Variants in LRRC8B observed in about 807,000 individuals in gnomAD.
LRRC8B encodes the protein volume-regulated anion channel subunit LRRC8B.
Under a neutral mutation model 58.8 loss-of-function variants are expected in LRRC8B, and 23 were observed. That is an observed-to-expected ratio of 0.39 (90% CI 0.28 to 0.55). The LOEUF is 0.55. Among genes scored for constraint, LRRC8B ranks in the 20% least tolerant of loss-of-function variants. LRRC8B has a pLI of 0.62. For synonymous variants in LRRC8B, 359 were observed against 374.1 expected (o/e 0.96, Z 0.47); for missense variants, 694 against 936.0 (o/e 0.74, Z 3.37).
At chr1:89,579,472 G>C (rs144829587) in intron 3 of LRRC8B, 119 bp from the exon 4 acceptor site, 3 of 152,734 alleles carry the variant, frequency 2.0e-5, no homozygotes, top group Middle Eastern at 3.4e-3. Flanking sequence ...GAGGCCCAGA[G>C]TGTGAAAATC....
chr1:89,576,338 G>T (rs1328131421), intron 3 of LRRC8B, among the ~76,000 whole-genome samples: 1 of 152,156 alleles, frequency 6.6e-6, no homozygotes, highest in African/African-American at 2.4e-5. Context: ...ACTTTTCTCA[G>T]ACAGTTTATT....
Position 89,583,270 on chromosome 1 carries a change from C to T in LRRC8B, c.620C>T (p.Pro207Leu). ...ATAGATTCCGGCAAACAGTCATTGC[C>T]CTACCCACAGCCAGGTTTGGAGTCA... ...ADIDSGKQSL[P>L]YPQPGLESAG... The change falls in exon 5 of 6, where the codon CCC (proline) becomes CTC (leucine). Residue 207 changes from proline (P) to leucine (L), a missense_variant. Physicochemically the swap from Pro to Leu is moderately conservative, Grantham distance 98 (BLOSUM62 -3). Coordinates refer to ENST00000330947, the MANE Select transcript of LRRC8B (RefSeq NM_001369817.2). The surrounding 1 kb of genome is among the most constrained non-coding windows in gnomAD (Gnocchi z 5.2). 1 of 1,614,194 alleles carries T rather than the reference C, an allele frequency of 6.2e-7. No individual in the cohort carries two copies.
chr1:89,594,695 G>A lies in LRRC8B; in HGVS notation c.*1652G>A, dbSNP rs1655197470. On this transcript the variant is annotated 3_prime_UTR_variant, in exon 6 of 6. Transcript: ENST00000330947. Reference sequence around the variant, plus strand: ...AATACATTTTGCTCCTTTTTATAAAGAGCTTTGTGCTTGGCCTTTTATTAT... The same window carrying A: ...AATACATTTTGCTCCTTTTTATAAAAAGCTTTGTGCTTGGCCTTTTATTAT... 6.6e-6 allele frequency: 1 copy of A among 152,036 alleles called. No homozygotes were observed. The highest frequency in any genetic ancestry group is 1.5e-5 in the Non-Finnish European group (1 of 67,992). The allele number at this position is 152,036 out of a possible 1,614,324, so 9.4% of individuals were successfully genotyped here.
chr1:89,589,879 A>G (rs1654872088), intron 5 of LRRC8B, among the ~76,000 whole-genome samples: 1 of 151,788 alleles, frequency 6.6e-6, no homozygotes, highest in Non-Finnish European at 1.5e-5. Flanking sequence ...ATAGATGTAA[A>G]AGAAAACCAT....
intron 1 of LRRC8B, among the ~76,000 whole-genome samples, chr1:89,567,280 A>C (rs1235584246): frequency 6.6e-6 from 1 of 152,200 alleles, no homozygotes. Flanking sequence ...AAGTTTAGTT[A>C]CAGTTTCTAA....
intron 1 of LRRC8B, among the ~76,000 whole-genome samples, chr1:89,560,385 A>G (rs1234781255): frequency 7.9e-6 from 1 of 125,844 alleles, no homozygotes; most frequent in Non-Finnish European, 1.8e-5. Flanking sequence ...CTCATTTGGT[A>G]TATCTTTTTT....
At chr1:89,528,928 A>C (rs1649900874) in intron 1 of LRRC8B, among the ~76,000 whole-genome samples, 1 of 152,226 alleles carries the variant, frequency 6.6e-6, no homozygotes, top group Admixed American at 6.5e-5. Flanking sequence ...GAACTTAGTA[A>C]CATGACCTCA....
Position 89,596,899 on chromosome 1 carries a change from C to T in LRRC8B, c.*3856C>T, listed in dbSNP as rs1364587497. The stretch of plus-strand genomic sequence containing the variant: ...GCAGGACAATGTAACTGTAGATCTG[C>T]TTTGTTTTCAGTAACTGTACATTGC... On this transcript the variant is annotated 3_prime_UTR_variant, in exon 6 of 6. Transcript: ENST00000330947. The T allele has an allele frequency of 6.6e-6, 1 of 152,076 alleles. No homozygotes were observed. The highest frequency in any genetic ancestry group is 1.5e-5 in the Non-Finnish European group (1 of 67,996). 9.4% of individuals were successfully genotyped at this position (152,076 alleles called of 1,614,324 possible). A position where few individuals can be genotyped will look rare whatever the true frequency, so the allele number is the denominator to read the frequency against.
At chr1:89,574,287 C>A (rs1026218315) in intron 3 of LRRC8B, among the ~76,000 whole-genome samples, 4 of 152,188 alleles carry the variant, frequency 2.6e-5, no homozygotes, top group Non-Finnish European at 5.9e-5. Flanking sequence ...TTTGATGTGA[C>A]TTGTTACACA....
intron 1 of LRRC8B, among the ~76,000 whole-genome samples, chr1:89,565,191 G>A (rs1652960806): frequency 1.3e-5 from 2 of 152,194 alleles, no homozygotes; most frequent in South Asian, 2.1e-4. Context: ...ATGGTTTGAT[G>A]TGCAGCATGC....
intron 5 of LRRC8B, among the ~76,000 whole-genome samples, chr1:89,592,245 A>G (rs1655021691): frequency 6.6e-6 from 1 of 152,176 alleles, no homozygotes; most frequent in Non-Finnish European, 1.5e-5. Flanking sequence ...ATGTGCATGT[A>G]TATATAATCA....
intron 1 of LRRC8B, among the ~76,000 whole-genome samples, chr1:89,546,669 G>T (rs745493188): frequency 1.3e-5 from 2 of 152,146 alleles, no homozygotes; most frequent in Non-Finnish European, 2.9e-5. Flanking sequence ...TGATATGAAG[G>T]TACATAATCA....
chr1:89,560,627 A>G (rs1406630333), intron 1 of LRRC8B, among the ~76,000 whole-genome samples: 1 of 149,448 alleles, frequency 6.7e-6, no homozygotes, highest in Non-Finnish European at 1.5e-5. Context: ...ATGAGTGAGA[A>G]TATGTGGTGT....
intron 1 of LRRC8B, among the ~76,000 whole-genome samples, chr1:89,526,745 A>G (rs976407491): frequency 6.6e-6 from 1 of 152,214 alleles, no homozygotes; most frequent in African/African-American, 2.4e-5. Flanking sequence ...TATACTTAGT[A>G]TCCCCAACAA....
chr1:89,550,647 G>A (rs1651729565), intron 1 of LRRC8B, among the ~76,000 whole-genome samples: 1 of 152,166 alleles, frequency 6.6e-6, no homozygotes, highest in African/African-American at 2.4e-5. Context: ...GTCTTCCACT[G>A]AATATTGGAA....
chr1:89,541,354 T>C (rs1650952719), intron 1 of LRRC8B, among the ~76,000 whole-genome samples: 1 of 152,206 alleles, frequency 6.6e-6, no homozygotes. Flanking sequence ...ACTTTTGATG[T>C]TGTCATCACT....
intron 1 of LRRC8B, among the ~76,000 whole-genome samples, chr1:89,552,410 A>T (rs1217434919): frequency 1.3e-5 from 2 of 152,188 alleles, no homozygotes; most frequent in African/African-American, 2.4e-5. Context: ...TGTAAACCAT[A>T]GTGAGTTTTG....
intron 1 of LRRC8B, among the ~76,000 whole-genome samples, chr1:89,533,730 A>G (rs914769517): frequency 4.6e-5 from 7 of 152,204 alleles, no homozygotes; most frequent in Non-Finnish European, 1.0e-4. Context: ...TTCCTGGGCC[A>G]GACTTCGTAC....
At chr1:89,558,475 A>T (rs1652356641) in intron 1 of LRRC8B, among the ~76,000 whole-genome samples, 1 of 152,126 alleles carries the variant, frequency 6.6e-6, no homozygotes, top group South Asian at 2.1e-4. Flanking sequence ...AATGGGACTA[A>T]GGAGGGCAAG....
Sources: gnomAD v4.1 joint callset for allele counts (sites outside exome capture counted in the v4.1 genomes callset) on GRCh38, gnomAD v4.1.1 for gene constraint, Gnocchi (gnomAD v3.1) non-coding constraint, MANE v1.5 for transcripts, NCBI Gene and HGNC (gene_info 2026-07-23, HGNC 2026-07-21) for gene names.